Variants in PDE7A observed in about 807,000 individuals in gnomAD.
PDE7A encodes the protein high affinity 3',5'-cyclic-AMP phosphodiesterase 7A.
PDE7A carries 39 observed loss-of-function variants against 64.3 expected under a neutral mutation model. That is an observed-to-expected ratio of 0.61 (90% CI 0.47 to 0.79). The LOEUF (loss-of-function observed/expected upper bound fraction) is 0.79. PDE7A is among the 30% of genes least tolerant of loss of function. The pLI is 0.00. For synonymous variants in PDE7A, 203 were observed against 206.8 expected, an observed-to-expected ratio of 0.98 and a Z score of 0.16; for missense variants, 470 against 582.8, an observed-to-expected ratio of 0.81 and a Z score of 1.99.
chr8:65,728,467 C>T (rs916742381), intron 7 of PDE7A: 4 of 152,110 alleles, frequency 2.6e-5, no homozygotes, highest in African/African-American at 9.7e-5. Context: ...TACCTGGAAG[C>T]AGAGATGCAT....
At chr8:65,733,703 T>C (rs973906326) in intron 7 of PDE7A, among the ~76,000 whole-genome samples, 3 of 152,228 alleles carry the variant, frequency 2.0e-5, no homozygotes, top group African/African-American at 7.2e-5. Flanking sequence ...TATTACTGCA[T>C]GTAAGTTCTA....
intron 3 of PDE7A, among the ~76,000 whole-genome samples, chr8:65,773,426 C>T (rs1017422573): frequency 6.6e-6 from 1 of 152,100 alleles, no homozygotes; most frequent in Non-Finnish European, 1.5e-5. Context: ...ATGATGAGAT[C>T]GAGAGGATAA....
At chr8:65,841,197 G>T (rs1295746462) in intron 1 of PDE7A, among the ~76,000 whole-genome samples, 174 bp downstream of exon 1, 2 of 152,160 alleles carry the variant, frequency 1.3e-5, no homozygotes, top group Non-Finnish European at 2.9e-5. Context: ...GGAGAACTGA[G>T]GGGGGACAGC....
intron 1 of PDE7A, among the ~76,000 whole-genome samples, chr8:65,838,948 G>A (rs1811012694): frequency 6.6e-6 from 1 of 152,164 alleles, no homozygotes; most frequent in African/African-American, 2.4e-5. Context: ...TCCTGGAATC[G>A]TTATGGTCTG....
intron 7 of PDE7A, chr8:65,728,434 G>C (rs1199454855): frequency 1.3e-5 from 2 of 152,128 alleles, no homozygotes; most frequent in Non-Finnish European, 2.9e-5. Context: ...CTGAGGGCTT[G>C]AATCTCCTGG....
chr8:65,809,089 A>G (rs764360356), intron 1 of PDE7A, among the ~76,000 whole-genome samples: 1 of 152,218 alleles, frequency 6.6e-6, no homozygotes, highest in South Asian at 2.1e-4. Context: ...GTTAAACCTT[A>G]TTAGCCATGT....
At chr8:65,836,103 G>A (rs1283706677) in intron 1 of PDE7A, among the ~76,000 whole-genome samples, 1 of 152,176 alleles carries the variant, frequency 6.6e-6, no homozygotes. Context: ...ACACAGGTAG[G>A]AAGGTCTCAT....
intron 3 of PDE7A, among the ~76,000 whole-genome samples, chr8:65,755,518 C>T (rs1210818211): frequency 6.6e-6 from 1 of 152,174 alleles, no homozygotes; most frequent in Admixed American, 6.5e-5. Flanking sequence ...AAACACTGCT[C>T]GTATGCATCT....
chr8:65,815,144 T>C (rs1262277837), intron 1 of PDE7A, among the ~76,000 whole-genome samples: 1 of 152,172 alleles, frequency 6.6e-6, no homozygotes, highest in Non-Finnish European at 1.5e-5. Flanking sequence ...GTTGACAATA[T>C]TTATAATGTA....
intron 1 of PDE7A, among the ~76,000 whole-genome samples, chr8:65,804,195 T>C (rs796342617): frequency 6.6e-6 from 1 of 152,174 alleles, no homozygotes; most frequent in East Asian, 1.9e-4. Flanking sequence ...AGACAGAATA[T>C]CATTTTTAAA....
chr8:65,750,758 A>G (rs985258833), intron 3 of PDE7A, among the ~76,000 whole-genome samples: 1 of 152,126 alleles, frequency 6.6e-6, no homozygotes, highest in Non-Finnish European at 1.5e-5. Context: ...TTTCTGGGCA[A>G]CTTCTGACAA....
rs529714794 is a variant in PDE7A, at chr8:65,747,175, G to C, written c.435+477C>G. Among the ~76,000 whole-genome samples, 7 of 152,252 alleles carry C rather than the reference G, an allele frequency of 4.6e-5. No homozygotes were observed. In the East Asian group the frequency reaches 1.3e-3, roughly 29 times the overall value. On this transcript the variant is annotated intron_variant, in intron 4 of 12. Transcript: ENST00000401827. ...TGACTGAAAGTCACGAGACCTTTGT[G>C]AAAAGATGTTATTAATACACACACA...
intron 6 of PDE7A, among the ~76,000 whole-genome samples, chr8:65,737,232 T>G (rs1807177989): frequency 6.6e-6 from 1 of 152,106 alleles, no homozygotes; most frequent in Admixed American, 6.5e-5. Flanking sequence ...AATGGATTCC[T>G]TATGGCTTTA....
At chr8:65,825,463 G>C (rs1810647450) in intron 1 of PDE7A, among the ~76,000 whole-genome samples, 1 of 152,172 alleles carries the variant, frequency 6.6e-6, no homozygotes, top group South Asian at 2.1e-4. Context: ...AGAGATCTAA[G>C]TTTAAATCCT....
intron 7 of PDE7A, among the ~76,000 whole-genome samples, chr8:65,729,329 G>A (rs1169917769): frequency 1.5e-5 from 2 of 134,216 alleles, no homozygotes; most frequent in Non-Finnish European, 3.1e-5. Context: ...ATTTCCCATT[G>A]TAATGGTTAT....
chr8:65,835,627 G>T (rs1810933713), intron 1 of PDE7A, among the ~76,000 whole-genome samples: 1 of 152,342 alleles, frequency 6.6e-6, no homozygotes, highest in East Asian at 1.9e-4. Context: ...AAGAAGAGAA[G>T]AGTTGAAAAT....
intron 1 of PDE7A, among the ~76,000 whole-genome samples, chr8:65,787,163 C>G (rs1809581587): frequency 6.6e-6 from 1 of 152,152 alleles, no homozygotes; most frequent in Non-Finnish European, 1.5e-5. Context: ...AAGCAAGTGC[C>G]ATTTCCATTA....
chr8:65,781,890 A>G (rs1375755186), intron 2 of PDE7A, among the ~76,000 whole-genome samples: 1 of 152,194 alleles, frequency 6.6e-6, no homozygotes, highest in Non-Finnish European at 1.5e-5. Flanking sequence ...AAGGCTGCAC[A>G]TTTGTGGGGG....
Position 65,717,091 on chromosome 8 carries a change from AC to A in PDE7A, c.*2198del, listed in dbSNP as rs147202492. Among the ~76,000 whole-genome samples the A allele has an allele frequency of 6.2e-3, 940 of 152,346 alleles. 10 individuals are homozygous for A. Among genetic ancestry groups the A allele is most frequent in the African/African-American group, 0.022 (905 of 41,574 alleles). ...ATTTTAAAGTGATACAATATTTTGG[AC>A]GTATTGGAATAGATGTTACTAAAAT... is the stretch of plus-strand genomic sequence containing the variant. On this transcript the variant is annotated 3_prime_UTR_variant, in exon 13 of 13. Coordinates refer to ENST00000401827, the MANE Select transcript of PDE7A (RefSeq NM_001242318.3).
Sources: allele counts gnomAD v4.1 joint callset (sites outside exome capture counted in the v4.1 genomes callset), GRCh38; gene constraint gnomAD v4.1.1; transcripts MANE v1.5; gene names NCBI Gene and HGNC (gene_info 2026-07-23, HGNC 2026-07-21).